The following IRS1 variants were observed in gnomAD, a reference collection of about 807,000 sequenced individuals.
The protein encoded by IRS1 is insulin receptor substrate 1.
IRS1 carries 34 observed loss-of-function variants against 65.6 expected under a neutral mutation model. The observed-to-expected ratio is 0.52, with a 90% CI of 0.39 to 0.69. The LOEUF (loss-of-function observed/expected upper bound fraction) is 0.69, where lower values mean the gene tolerates loss of function less well. Among genes scored for constraint, IRS1 ranks in the 30% least tolerant of loss-of-function variants. The pLI is 0.00. For synonymous variants in IRS1, 699 were observed against 683.5 expected (o/e 1.02, Z -0.35); for missense variants, 1,641 against 1,720.2 (o/e 0.95, Z 0.81).
intron 1 of IRS1, among the ~76,000 whole-genome samples, chr2:226,784,245 T>C (rs1222604225): frequency 6.6e-6 from 1 of 152,188 alleles, no homozygotes; most frequent in African/African-American, 2.4e-5. Context: ...TATATAAAAC[T>C]CTTTAACAGC....
At chr2:226,759,501 A>C (rs1938872837) in intron 1 of IRS1, among the ~76,000 whole-genome samples, 1 of 152,224 alleles carries the variant, frequency 6.6e-6, no homozygotes, top group Non-Finnish European at 1.5e-5. Flanking sequence ...GAAGCAAGTC[A>C]CATTCCACAA....
chr2:226,766,165 T>TATA (rs1559152107), intron 1 of IRS1, among the ~76,000 whole-genome samples: 10 of 10,076 alleles, frequency 9.9e-4, no homozygotes, highest in East Asian at 2.9e-3. Flanking sequence ...ATATATATAT[T>TATA]TTTTTTTTTT....
At chr2:226,778,285 G>A (rs933299251) in intron 1 of IRS1, among the ~76,000 whole-genome samples, 10 of 151,888 alleles carry the variant, frequency 6.6e-5, no homozygotes, top group Non-Finnish European at 1.3e-4. Flanking sequence ...TCAGAATGAG[G>A]GAAATTCTCT....
chr2:226,798,397 G>A lies in IRS1; in HGVS notation c.342C>T (p.His114=), dbSNP rs765165662. The A allele has an allele frequency of 1.4e-5, 22 of 1,614,042 alleles. No homozygotes were observed. In the African/African-American group the frequency reaches 1.6e-4, roughly 12 times the overall value. ...DSWYQALLQL[H]NRAKGHHDGA... ...CGTCGTGGTGGCCCTTAGCACGGTT[G>A]TGCAGCTGTAGGAGAGCCTGGTACC... is the stretch of plus-strand genomic sequence containing the variant. Residue 114 remains histidine (H), a synonymous_variant, in exon 1 of 2, where the codon CAC becomes CAT. Transcript: ENST00000305123. The surrounding 1 kb of genome is among the most constrained non-coding windows in gnomAD (Gnocchi z 9.4).
chr2:226,794,175 A>G lies in IRS1; in HGVS notation c.*21+814T>C, dbSNP rs1305961987. 6.6e-6 allele frequency among the ~76,000 whole-genome samples: 1 copy of G among 152,220 alleles called. No individual in the cohort carries two copies. The highest frequency in any genetic ancestry group is 1.5e-5 in the Non-Finnish European group (1 of 68,042). ...TGTCTCAGTGCAAGAAGAGATAACT[A>G]TAAGGCAGACATCCTAGGATGAACT... On this transcript the variant is annotated intron_variant, in intron 1 of 1. Coordinates refer to ENST00000305123, the MANE Select transcript of IRS1 (RefSeq NM_005544.3). The surrounding 1 kb of genome is among the most constrained non-coding windows in gnomAD (Gnocchi z 4.1).
chr2:226,743,170 C>T (rs1270693303), intron 1 of IRS1, among the ~76,000 whole-genome samples: 1 of 138,470 alleles, frequency 7.2e-6, no homozygotes, highest in Non-Finnish European at 1.6e-5. Flanking sequence ...GAAAAAAAAA[C>T]AAAAAAAAAA....
intron 1 of IRS1, among the ~76,000 whole-genome samples, chr2:226,745,525 G>A (rs13431179): frequency 0.16 from 24,527 of 152,138 alleles, 2,888 homozygotes; most frequent in African/African-American, 0.31. Flanking sequence ...CCATCTCTCA[G>A]TGTTCTTTTC....
chr2:226,782,733 G>A (rs1214128144), intron 1 of IRS1, among the ~76,000 whole-genome samples: 1 of 152,222 alleles, frequency 6.6e-6, no homozygotes, highest in African/African-American at 2.4e-5. Context: ...GGGTGCTGTG[G>A]CTCATGCCTG....
At chr2:226,774,310 G>A (rs773917866) in intron 1 of IRS1, among the ~76,000 whole-genome samples, 22 of 152,148 alleles carry the variant, frequency 1.4e-4, no homozygotes, top group Non-Finnish European at 1.9e-4. Context: ...AAGGAAGAGG[G>A]CTTAAAAAGG....
chr2:226,799,424 C>A lies in IRS1; in HGVS notation c.-686G>T. The A allele has an allele frequency of 8.2e-7, 1 of 1,221,088 alleles. No homozygotes were observed. Among genetic ancestry groups the A allele is most frequent in the Non-Finnish European group, 1.0e-6 (1 of 953,290 alleles). 75.6% of individuals were successfully genotyped at this position (1,221,088 alleles called of 1,614,324 possible). A position where few individuals can be genotyped will look rare whatever the true frequency, so the allele number is the denominator to read the frequency against. ...CCGCGGGCGCGTCCTCTGCAGCCCCCATCCGGGCCCATCTCGGCGGGTGGA... is the reference window on the plus strand; with the variant it reads ...CCGCGGGCGCGTCCTCTGCAGCCCCAATCCGGGCCCATCTCGGCGGGTGGA... On this transcript the variant is annotated 5_prime_UTR_variant, in exon 1 of 2. An upstream start codon of the reference 5' UTR is lost. Transcript: ENST00000305123. This position sits in a 1 kb window ranked among gnomAD's most constrained non-coding sequence, Gnocchi z 6.1.
chr2:226,750,796 T>TA (rs1185304765), intron 1 of IRS1, among the ~76,000 whole-genome samples: 3 of 152,154 alleles, frequency 2.0e-5, no homozygotes, highest in Non-Finnish European at 4.4e-5. Context: ...AAGTGGCACT[T>TA]CTCTAACTTA....
At chr2:226,746,195 A>G (rs911865097) in intron 1 of IRS1, among the ~76,000 whole-genome samples, 1 of 152,192 alleles carries the variant, frequency 6.6e-6, no homozygotes, top group African/African-American at 2.4e-5. Flanking sequence ...AATACTACTG[A>G]AAGTATTTAC....
At chr2:226,790,892 C>G (rs1939579447) in intron 1 of IRS1, among the ~76,000 whole-genome samples, 1 of 152,132 alleles carries the variant, frequency 6.6e-6, no homozygotes, top group Non-Finnish European at 1.5e-5. Flanking sequence ...ATGTGCCCAG[C>G]CTAAATTGAC....
At chr2:226,758,808 TC>T (rs1242909733) in intron 1 of IRS1, among the ~76,000 whole-genome samples, 1 of 152,028 alleles carries the variant, frequency 6.6e-6, no homozygotes, top group Non-Finnish European at 1.5e-5. Flanking sequence ...GGAAACCACC[TC>T]CAAATTAGCC....
Position 226,794,293 on chromosome 2 carries a change from G to A in IRS1, c.*21+696C>T, listed in dbSNP as rs1462283117. ...CAGGCCCGTGGGATGGTGGGTCGGT[G>A]TGTGAATAATATTTCACAAATCCTG... is the stretch of plus-strand genomic sequence containing the variant. On this transcript the variant is annotated intron_variant, in intron 1 of 1. Transcript: ENST00000305123. This position sits in a 1 kb window ranked among gnomAD's most constrained non-coding sequence, Gnocchi z 4.1. 6.6e-6 allele frequency among the ~76,000 whole-genome samples: 1 copy of A among 152,176 alleles called. No homozygotes were observed. The highest frequency in any genetic ancestry group is 1.5e-5 in the Non-Finnish European group (1 of 68,024).
At position 226,733,763 on chromosome 2, in the gene IRS1, T is replaced by C. The variant is rs1304447141; in HGVS notation, c.*2509A>G. 1 of 152,136 alleles carries C rather than the reference T, an allele frequency of 6.6e-6. No individual in the cohort carries two copies. Among genetic ancestry groups the C allele is most frequent in the Non-Finnish European group, 1.5e-5 (1 of 68,022 alleles). 9.4% of individuals were successfully genotyped at this position (152,136 alleles called of 1,614,324 possible). On this transcript the variant is annotated 3_prime_UTR_variant, in exon 2 of 2. Transcript: ENST00000305123. ...AAGGAAACCCTTCGTGTCGCCAGAGTATGAACTTTTGGTTTGAGTACCAGC... is the reference window on the plus strand; with the variant it reads ...AAGGAAACCCTTCGTGTCGCCAGAGCATGAACTTTTGGTTTGAGTACCAGC...
intron 1 of IRS1, among the ~76,000 whole-genome samples, chr2:226,789,034 T>C (rs1394497288): frequency 6.6e-6 from 1 of 152,224 alleles, no homozygotes; most frequent in Non-Finnish European, 1.5e-5. Context: ...AAGAAGCTAT[T>C]TTCCTTGAAT....
chr2:226,778,714 G>GT (rs1371414223), intron 1 of IRS1, among the ~76,000 whole-genome samples: 1 of 152,144 alleles, frequency 6.6e-6, no homozygotes, highest in African/African-American at 2.4e-5. Flanking sequence ...CCAATGCCCA[G>GT]TACACATAGG....
rs142441472 is a variant in IRS1 at position 226,771,089 on chromosome 2, C to T, written c.*21+23900G>A. Among the ~76,000 whole-genome samples, 247 of 152,146 alleles carry T rather than the reference C, an allele frequency of 1.6e-3. 2 individuals carry two copies. The highest frequency in any genetic ancestry group is 3.4e-3 in the Admixed American group (52 of 15,278). On this transcript the variant is annotated intron_variant, in intron 1 of 1. Transcript: ENST00000305123. Reference sequence around the variant, plus strand: ...AGCTAGATCCTGTCACTGTCAGTGACGGAAGAACGTTGGTAGTGTGGGCTG... The same window carrying T: ...AGCTAGATCCTGTCACTGTCAGTGATGGAAGAACGTTGGTAGTGTGGGCTG...
Sources: gnomAD v4.1 joint callset for allele counts (sites outside exome capture counted in the v4.1 genomes callset) on GRCh38, gnomAD v4.1.1 for gene constraint, Gnocchi (gnomAD v3.1) non-coding constraint, MANE v1.5 for transcripts, NCBI Gene and HGNC (gene_info 2026-07-23, HGNC 2026-07-21) for gene names.